CNTNAP4: variants seen among roughly 807,000 people sequenced by gnomAD.
The protein encoded by CNTNAP4 is contactin-associated protein-like 4.
CNTNAP4 carries 98 observed loss-of-function variants against 148.4 expected under a neutral mutation model. That is an observed-to-expected ratio of 0.66 (90% CI 0.56 to 0.78). The LOEUF is 0.78. CNTNAP4 is among the 30% of genes least tolerant of loss of function. The probability of loss-of-function intolerance (pLI) is 0.00; values close to 1 mark genes in which losing one functional copy is unlikely to be tolerated. For synonymous variants in CNTNAP4, 730 were observed against 565.1 expected (o/e 1.29, Z -4.14); for missense variants, 1,935 against 1,565.6 (o/e 1.24, Z -3.98).
chr16:76,453,587 T>C (rs1230648282), intron 8 of CNTNAP4, among the ~76,000 whole-genome samples: 1 of 152,144 alleles, frequency 6.6e-6, no homozygotes, highest in Non-Finnish European at 1.5e-5. Context: ...TAATAAATAA[T>C]CTTTAAAAAC....
chr16:76,448,485 T>C (rs1043462217), intron 5 of CNTNAP4, among the ~76,000 whole-genome samples: 1 of 152,150 alleles, frequency 6.6e-6, no homozygotes, highest in African/African-American at 2.4e-5. Flanking sequence ...TGAAAAATGT[T>C]GAGGTAGTAA....
chr16:76,539,862 T>G lies in CNTNAP4; in HGVS notation c.3354+10T>G. ...AGTGGTCTTTATAGAGGTAATGTAG[T>G]AAATTCAGCAGAAGCAATCATTTTA... On this transcript the variant is annotated intron_variant, in intron 20 of 23. Transcript: ENST00000611870. The G allele has an allele frequency of 6.4e-7, 1 of 1,554,556 alleles. No homozygotes were observed.
At chr16:76,389,751 C>T (rs2016808979) in intron 3 of CNTNAP4, among the ~76,000 whole-genome samples, 1 of 152,148 alleles carries the variant, frequency 6.6e-6, no homozygotes, top group Admixed American at 6.5e-5. Flanking sequence ...CGGGCGTGAG[C>T]CACCACATCC....
chr16:76,365,898 G>T (rs2014064955), intron 3 of CNTNAP4, among the ~76,000 whole-genome samples: 1 of 151,640 alleles, frequency 6.6e-6, no homozygotes, highest in South Asian at 2.1e-4. Flanking sequence ...CAATGTAAAA[G>T]AAATACAAAC....
chr16:76,402,810 C>G (rs947162472), intron 3 of CNTNAP4, among the ~76,000 whole-genome samples: 1 of 152,118 alleles, frequency 6.6e-6, no homozygotes, highest in Non-Finnish European at 1.5e-5. Flanking sequence ...ATGCAAAAAT[C>G]ATTCAGGAGA....
chr16:76,527,542 G>A (rs995892593), intron 17 of CNTNAP4, among the ~76,000 whole-genome samples: 1 of 152,168 alleles, frequency 6.6e-6, no homozygotes. Context: ...TGGGGCAAAT[G>A]AATGAGGTAA....
intron 15 of CNTNAP4, among the ~76,000 whole-genome samples, chr16:76,504,288 G>C (rs867345473): frequency 1.3e-5 from 2 of 151,862 alleles, no homozygotes; most frequent in South Asian, 4.2e-4. Context: ...CCCAAAAATA[G>C]ACCCATGTAT....
intron 2 of CNTNAP4, among the ~76,000 whole-genome samples, chr16:76,317,667 T>TGC (rs1224665866): frequency 6.6e-6 from 1 of 152,202 alleles, no homozygotes; most frequent in Non-Finnish European, 1.5e-5. Flanking sequence ...ATGTGCTTAA[T>TGC]GCTTGAGCAC....
chr16:76,521,118 C>T (rs200017445), intron 15 of CNTNAP4, 22 bp from the exon 16 acceptor site: 860 of 1,233,752 alleles, frequency 7.0e-4, no homozygotes, highest in East Asian at 1.3e-3. Flanking sequence ...ATTTTTTTTT[C>T]TTTTTTTTTT....
intron 8 of CNTNAP4, among the ~76,000 whole-genome samples, chr16:76,456,581 C>T (rs1229093845): frequency 6.6e-6 from 1 of 151,028 alleles, no homozygotes; most frequent in Non-Finnish European, 1.5e-5. Flanking sequence ...ACAGAATGGC[C>T]TTGTCTGATG....
intron 3 of CNTNAP4, among the ~76,000 whole-genome samples, chr16:76,394,268 G>A (rs1042886296): frequency 6.6e-6 from 1 of 152,100 alleles, no homozygotes; most frequent in African/African-American, 2.4e-5. Context: ...TTTAAATGGG[G>A]TTTATTCTGT....
At chr16:76,319,179 C>T (rs899245433) in intron 2 of CNTNAP4, among the ~76,000 whole-genome samples, 1 of 152,028 alleles carries the variant, frequency 6.6e-6, no homozygotes, top group Non-Finnish European at 1.5e-5. Flanking sequence ...TACTTGAGCT[C>T]AGGAGTTTGA....
chr16:76,530,937 A>G (rs980888761), intron 17 of CNTNAP4, among the ~76,000 whole-genome samples: 1 of 152,150 alleles, frequency 6.6e-6, no homozygotes, highest in African/African-American at 2.4e-5. Context: ...TTTCCCTTCA[A>G]TCTCCTGACT....
At chr16:76,355,237 G>T (rs17766740) in intron 2 of CNTNAP4, 81 bp from the exon 3 acceptor site, 134,254 of 1,027,978 alleles carry the variant, frequency 0.13, 12,145 homozygotes, top group East Asian at 0.45. Flanking sequence ...GAATACAGTC[G>T]TACTGGCATT....
At chr16:76,302,740 G>T (rs141031827) in intron 1 of CNTNAP4, among the ~76,000 whole-genome samples, 1 of 152,088 alleles carries the variant, frequency 6.6e-6, no homozygotes, top group Non-Finnish European at 1.5e-5. Flanking sequence ...GCCTGCACTC[G>T]AGGGGAGGGG....
chr16:76,544,210 C>CT lies in CNTNAP4; in HGVS notation c.3442+3432dup, dbSNP rs200437303. On this transcript the variant is annotated intron_variant, in intron 21 of 23. Transcript: ENST00000611870. ...TAAGGGAGTAGCATATAAACATTGC[C>CT]TTTTTTTTTTTTGGAGTTGTAATTT... Among the ~76,000 whole-genome samples, 991 of 142,922 alleles carry CT rather than the reference C, an allele frequency of 6.9e-3. 8 individuals carry two copies. The highest frequency in any genetic ancestry group is 0.022 in the African/African-American group (850 of 39,168). 93.8% of individuals were successfully genotyped at this position (142,922 alleles called of 152,430 possible). A position where few individuals can be genotyped will look rare whatever the true frequency, so the allele number is the denominator to read the frequency against.
intron 5 of CNTNAP4, 106 bp downstream of exon 5, chr16:76,448,321 C>G: frequency 1.3e-6 from 1 of 746,440 alleles, no homozygotes; most frequent in Middle Eastern, 2.7e-4. Context: ...GCCTTATTTT[C>G]AGATTCAAGG....
chr16:76,319,693 A>G (rs1336319749), intron 2 of CNTNAP4, among the ~76,000 whole-genome samples: 1 of 152,132 alleles, frequency 6.6e-6, no homozygotes, highest in African/African-American at 2.4e-5. Flanking sequence ...GACAGAGTAG[A>G]CCAGATGAAG....
chr16:76,513,524 T>G (rs1001590651), intron 15 of CNTNAP4, among the ~76,000 whole-genome samples: 15 of 152,208 alleles, frequency 9.9e-5, no homozygotes, highest in African/African-American at 3.1e-4. Context: ...TATCAGGCAA[T>G]AAGTATATTA....
Sources: allele counts gnomAD v4.1 joint callset (sites outside exome capture counted in the v4.1 genomes callset), GRCh38; gene constraint gnomAD v4.1.1; transcripts MANE v1.5; gene names NCBI Gene and HGNC (gene_info 2026-07-23, HGNC 2026-07-21).